The following NR3C2 variants were observed in gnomAD, a reference collection of about 807,000 sequenced individuals.
NR3C2 encodes nuclear receptor subfamily 3 group C member 2.
A neutral mutation model predicts 86.4 loss-of-function variants in NR3C2; 15 were observed. That is an observed-to-expected ratio of 0.17 (90% CI 0.12 to 0.27). The LOEUF (loss-of-function observed/expected upper bound fraction) is 0.27, where lower values mean the gene tolerates loss of function less well. Among genes scored for constraint, NR3C2 ranks in the 10% least tolerant of loss-of-function variants. NR3C2 has a pLI of 1.00. For missense variants in NR3C2, 960 were observed against 1,195.6 expected (o/e 0.80, Z 2.91); for synonymous variants, 458 against 450.5 (o/e 1.02, Z -0.21).
intron 2 of NR3C2, among the ~76,000 whole-genome samples, chr4:148,323,239 C>T (rs1211727361): frequency 1.4e-5 from 2 of 140,008 alleles, no homozygotes; most frequent in African/African-American, 5.6e-5. Context: ...TGCCCGTTCT[C>T]AGATCTCCAG....
At position 148,129,639 on chromosome 4, in the gene NR3C2, A is replaced by G. The variant is rs765915822; in HGVS notation, c.2511-9351T>C. 1.2e-4 allele frequency among the ~76,000 whole-genome samples: 19 copies of G among 152,320 alleles called. No homozygotes were observed. The East Asian group carries it at 3.7e-3, about 29-fold the overall frequency. On this transcript the variant is annotated intron_variant, in intron 6 of 8. Transcript: ENST00000358102. ...TTGATGGAGTCTCGCTCTGTCACCC[A>G]GGCTAGAGTGCAGTGGCACGATCTC...
chr4:148,305,246 T>C (rs1189153950), intron 2 of NR3C2, among the ~76,000 whole-genome samples: 1 of 152,204 alleles, frequency 6.6e-6, no homozygotes, highest in Non-Finnish European at 1.5e-5. Flanking sequence ...ATTTTTGTTC[T>C]AGATCAAGTA....
intron 2 of NR3C2, among the ~76,000 whole-genome samples, chr4:148,348,809 A>T (rs752732007): frequency 3.3e-5 from 5 of 152,146 alleles, no homozygotes; most frequent in African/African-American, 4.8e-5. Flanking sequence ...CTTCTAATAT[A>T]CAATAATCCA....
At chr4:148,257,564 T>A (rs926044118) in intron 3 of NR3C2, among the ~76,000 whole-genome samples, 1 of 152,138 alleles carries the variant, frequency 6.6e-6, no homozygotes, top group Non-Finnish European at 1.5e-5. Context: ...AATGTCTTCA[T>A]CTAGAAAAGG....
At chr4:148,421,176 C>G (rs561611750) in intron 2 of NR3C2, among the ~76,000 whole-genome samples, 3 of 152,144 alleles carry the variant, frequency 2.0e-5, no homozygotes, top group Non-Finnish European at 1.5e-5. Context: ...ACTCAACTAC[C>G]TTTTTTATAA....
At chr4:148,259,100 A>G (rs1739965640) in intron 3 of NR3C2, among the ~76,000 whole-genome samples, 1 of 152,216 alleles carries the variant, frequency 6.6e-6, no homozygotes, top group South Asian at 2.1e-4. Flanking sequence ...AAAACATTCA[A>G]GCCACTTATG....
chr4:148,135,959 A>G, intron 6 of NR3C2, among the ~76,000 whole-genome samples: 1 of 113,722 alleles, frequency 8.8e-6, no homozygotes, highest in Non-Finnish European at 2.0e-5. Flanking sequence ...TGGGAGGCTG[A>G]GGCAGGATAA....
chr4:148,302,442 C>G (rs1454234525), intron 2 of NR3C2, among the ~76,000 whole-genome samples: 1 of 152,226 alleles, frequency 6.6e-6, no homozygotes, highest in Non-Finnish European at 1.5e-5. Context: ...TTGTCTCTCT[C>G]TGCCTGGCTT....
At chr4:148,426,850 T>A (rs1173361779) in intron 2 of NR3C2, among the ~76,000 whole-genome samples, 1 of 152,224 alleles carries the variant, frequency 6.6e-6, no homozygotes, top group African/African-American at 2.4e-5. Flanking sequence ...GCCACCTATA[T>A]GAAGAATGTT....
At chr4:148,291,391 G>A (rs1248418693) in intron 2 of NR3C2, among the ~76,000 whole-genome samples, 3 of 151,918 alleles carry the variant, frequency 2.0e-5, no homozygotes, top group Non-Finnish European at 2.9e-5. Flanking sequence ...CTGTACTTAC[G>A]TTTTAGTCAA....
intron 3 of NR3C2, among the ~76,000 whole-genome samples, chr4:148,199,960 T>C (rs1045872235): frequency 6.6e-6 from 1 of 152,226 alleles, no homozygotes; most frequent in African/African-American, 2.4e-5. Flanking sequence ...GGGGGATGAA[T>C]TGGTCTTTAA....
intron 6 of NR3C2, among the ~76,000 whole-genome samples, chr4:148,125,166 C>G (rs1220334358): frequency 6.6e-6 from 1 of 152,224 alleles, no homozygotes; most frequent in Non-Finnish European, 1.5e-5. Context: ...TTTACTTGTT[C>G]TGGAGCAGTT....
At chr4:148,189,554 G>C (rs1736099002) in intron 4 of NR3C2, among the ~76,000 whole-genome samples, 1 of 152,038 alleles carries the variant, frequency 6.6e-6, no homozygotes, top group Non-Finnish European at 1.5e-5. Flanking sequence ...GAATTAGGGA[G>C]GGTTCCTTCT....
chr4:148,325,679 C>T (rs1416011862), intron 2 of NR3C2, among the ~76,000 whole-genome samples: 2 of 152,022 alleles, frequency 1.3e-5, no homozygotes, highest in African/African-American at 4.8e-5. Flanking sequence ...GAGAGAAAAC[C>T]CAGACTTCTA....
intron 3 of NR3C2, among the ~76,000 whole-genome samples, chr4:148,221,616 G>C (rs996807365): frequency 2.0e-5 from 3 of 152,182 alleles, no homozygotes; most frequent in Admixed American, 2.0e-4. Context: ...CTACAGGCCA[G>C]GTGCGGTGGC....
intron 2 of NR3C2, among the ~76,000 whole-genome samples, chr4:148,281,230 A>G (rs189460701): frequency 6.6e-6 from 1 of 152,360 alleles, no homozygotes; most frequent in East Asian, 1.9e-4. Context: ...AAAGCGGGTG[A>G]AAGATAAGAG....
At chr4:148,223,205 C>T (rs1220040040) in intron 3 of NR3C2, among the ~76,000 whole-genome samples, 1 of 152,122 alleles carries the variant, frequency 6.6e-6, no homozygotes, top group Admixed American at 6.6e-5. Context: ...CAGCAAGCTC[C>T]GAATATTCCT....
At chr4:148,204,482 G>A (rs958798576) in intron 3 of NR3C2, among the ~76,000 whole-genome samples, 2 of 152,064 alleles carry the variant, frequency 1.3e-5, no homozygotes, top group South Asian at 2.1e-4. Context: ...AATCCTATGG[G>A]GGGAGTCCTA....
At chr4:148,141,368 A>T (rs1394742416) in intron 6 of NR3C2, among the ~76,000 whole-genome samples, 2 of 151,842 alleles carry the variant, frequency 1.3e-5, no homozygotes, top group Non-Finnish European at 2.9e-5. Context: ...CAGGAGGCGG[A>T]GGTTGCACAC....
Sources: gnomAD v4.1 joint callset for allele counts (sites outside exome capture counted in the v4.1 genomes callset) on GRCh38, gnomAD v4.1.1 for gene constraint, MANE v1.5 for transcripts, NCBI Gene and HGNC (gene_info 2026-07-23, HGNC 2026-07-21) for gene names.